The following USH2A variants were observed in gnomAD, a reference collection of about 807,000 sequenced individuals.
USH2A encodes Usher syndrome 2A (autosomal recessive, mild).
In USH2A, 443 loss-of-function variants were observed where a neutral mutation model predicts 538.9. That is an observed-to-expected ratio of 0.82 (90% CI 0.76 to 0.89). The LOEUF (loss-of-function observed/expected upper bound fraction) is 0.89, where lower values mean the gene tolerates loss of function less well. USH2A is among the 40% of genes least tolerant of loss of function. USH2A has a pLI of 0.00. For synonymous variants in USH2A, 2,413 were observed against 2,273.5 expected (o/e 1.06, Z -1.75); for missense variants, 6,633 against 6,324.8 (o/e 1.05, Z -1.65).
In USH2A at chr1:215,901,317, T is replaced by C. The variant is rs535845561; in HGVS notation, c.7301-412A>G. On this transcript the variant is annotated intron_variant, in intron 38 of 71. Transcript: ENST00000307340. ...TATTCTTCCCCCCGATATCATCCAT[T>C]GCTGCCTTAATCACACCACTACATG... 20 of 301,214 alleles carry C rather than the reference T, an allele frequency of 6.6e-5. No homozygotes were observed. In the East Asian group the frequency reaches 1.7e-3, roughly 25 times the overall value. 18.7% of individuals were successfully genotyped at this position (301,214 alleles called of 1,614,324 possible).
chr1:215,801,024 GA>G (rs975910864), intron 49 of USH2A, among the ~76,000 whole-genome samples: 56 of 151,064 alleles, frequency 3.7e-4, no homozygotes, highest in African/African-American at 1.3e-3. Flanking sequence ...GAACAAAGGG[GA>G]AAAAAAAGAA....
At chr1:216,147,982 C>CTGAT (rs1350010856) in intron 21 of USH2A, among the ~76,000 whole-genome samples, 1 of 104,544 alleles carries the variant, frequency 9.6e-6, no homozygotes, top group East Asian at 3.3e-4. Flanking sequence ...GGCTCTCTGA[C>CTGAT]TCCTTCCCAG....
chr1:216,153,906 TTTAA>T (rs1330808866), intron 21 of USH2A, among the ~76,000 whole-genome samples: 2 of 152,236 alleles, frequency 1.3e-5, no homozygotes, highest in Admixed American at 6.5e-5. Context: ...TTTTGCAATC[TTTAA>T]TTATATTTCT....
intron 3 of USH2A, among the ~76,000 whole-genome samples, chr1:216,371,513 CT>C (rs948314944): frequency 3.9e-5 from 6 of 152,162 alleles, no homozygotes; most frequent in African/African-American, 1.4e-4. Flanking sequence ...AAAATACTGT[CT>C]TTTTTTTCCT....
At chr1:216,174,993 C>G in intron 21 of USH2A, 1 of 1,299,446 alleles carries the variant, frequency 7.7e-7, no homozygotes, top group South Asian at 1.6e-5. Flanking sequence ...AAGACAAATA[C>G]AAAGCACATA....
chr1:215,840,836 T>A (rs1470841732), intron 46 of USH2A, among the ~76,000 whole-genome samples: 1 of 152,196 alleles, frequency 6.6e-6, no homozygotes, highest in Non-Finnish European at 1.5e-5. Context: ...CACCTTCCTG[T>A]GTTAGCCTTT....
At chr1:215,661,093 G>T (rs1225228156) in intron 64 of USH2A, among the ~76,000 whole-genome samples, 1 of 152,166 alleles carries the variant, frequency 6.6e-6, no homozygotes, top group Non-Finnish European at 1.5e-5. Flanking sequence ...GCCAAAGCTG[G>T]CCAGGTGATC....
At chr1:215,769,311 T>C in intron 55 of USH2A, among the ~76,000 whole-genome samples, 1 of 152,164 alleles carries the variant, frequency 6.6e-6, no homozygotes, top group East Asian at 1.9e-4. Flanking sequence ...ATGCAGTGAC[T>C]GTTAAATAAA....
intron 32 of USH2A, among the ~76,000 whole-genome samples, chr1:216,023,459 C>CAAAAAAAAAACAAAAA (rs1668886766): frequency 2.1e-5 from 1 of 46,956 alleles, no homozygotes; most frequent in African/African-American, 9.1e-5. Context: ...TCAAAGCAGA[C>CAAAAAAAAAACAAAAA]AAAAAAAAAA....
At chr1:215,890,498 G>A (rs1665180372) in intron 40 of USH2A, among the ~76,000 whole-genome samples, 1 of 152,098 alleles carries the variant, frequency 6.6e-6, no homozygotes, top group African/African-American at 2.4e-5. Context: ...ATGTTATAGT[G>A]CACTAACTCT....
At chr1:215,969,324 C>T (rs950051065) in intron 36 of USH2A, among the ~76,000 whole-genome samples, 2 of 152,062 alleles carry the variant, frequency 1.3e-5, no homozygotes, top group African/African-American at 4.8e-5. Context: ...CAATTCTATT[C>T]CCCCCTTCCT....
chr1:215,950,791 A>T (rs1474430707), intron 37 of USH2A, among the ~76,000 whole-genome samples: 2 of 152,102 alleles, frequency 1.3e-5, no homozygotes, highest in Non-Finnish European at 2.9e-5. Context: ...TACAGGCATG[A>T]GCCCCTGCAC....
At chr1:215,913,006 C>T (rs1665853480) in intron 38 of USH2A, among the ~76,000 whole-genome samples, 1 of 152,124 alleles carries the variant, frequency 6.6e-6, no homozygotes, top group Non-Finnish European at 1.5e-5. Flanking sequence ...GGGATTCAAA[C>T]ATGAGAATTT....
At chr1:216,414,186 T>C (rs2039538738) in intron 3 of USH2A, among the ~76,000 whole-genome samples, 1 of 152,056 alleles carries the variant, frequency 6.6e-6, no homozygotes, top group Admixed American at 6.6e-5. Context: ...TATGAATTGA[T>C]TTTTTCTAGT....
chr1:216,260,384 G>A (rs2036346972), intron 11 of USH2A, among the ~76,000 whole-genome samples: 1 of 152,124 alleles, frequency 6.6e-6, no homozygotes, highest in Non-Finnish European at 1.5e-5. Context: ...AACATTGAGA[G>A]AAGTAAGAGG....
At chr1:216,322,194 G>A (rs1158158453) in intron 8 of USH2A, among the ~76,000 whole-genome samples, 1 of 152,090 alleles carries the variant, frequency 6.6e-6, no homozygotes, top group Non-Finnish European at 1.5e-5. Flanking sequence ...CCAAACCCGT[G>A]TATTGTAAAG....
chr1:216,412,263 T>TA (rs1357097266), intron 3 of USH2A, among the ~76,000 whole-genome samples: 6 of 152,150 alleles, frequency 3.9e-5, no homozygotes, highest in Admixed American at 1.3e-4. Flanking sequence ...GCCTTCTGCT[T>TA]AAATATTGCA....
intron 22 of USH2A, among the ~76,000 whole-genome samples, chr1:216,096,021 T>G (rs959326434): frequency 6.6e-6 from 1 of 150,988 alleles, no homozygotes; most frequent in Non-Finnish European, 1.5e-5. Context: ...TTACTTAGTC[T>G]TACTCATTTC....
At chr1:216,083,278 G>T (rs992270537) in intron 26 of USH2A, 178 bp downstream of exon 26, 1 of 569,572 alleles carries the variant, frequency 1.8e-6, no homozygotes, top group African/African-American at 1.9e-5. Flanking sequence ...AAATTACTAG[G>T]ATAATAAAAT....
Sources: gnomAD v4.1 joint callset for allele counts (sites outside exome capture counted in the v4.1 genomes callset) on GRCh38, gnomAD v4.1.1 for gene constraint, MANE v1.5 for transcripts, NCBI Gene and HGNC (gene_info 2026-07-23, HGNC 2026-07-21) for gene names.